The following SYNJ1 variants were observed in gnomAD, a reference collection of about 807,000 sequenced individuals.
SYNJ1 encodes the protein synaptojanin 1, also known as polyphosphatidylinositol phosphatase SYNJ1.
A neutral mutation model predicts 168.2 loss-of-function variants in SYNJ1; 78 were observed. The observed-to-expected ratio is 0.46, with a 90% confidence interval of 0.39 to 0.56. The LOEUF (loss-of-function observed/expected upper bound fraction) is 0.56. SYNJ1 is among the 20% of genes least tolerant of loss of function. The probability of loss-of-function intolerance (pLI) is 0.00; values close to 1 mark genes in which losing one functional copy is unlikely to be tolerated. For missense variants in SYNJ1, 1,303 were observed against 1,597.6 expected (o/e 0.82, Z 3.14); for synonymous variants, 539 against 548.6 (o/e 0.98, Z 0.24).
At chr21:32,645,898 T>A in intron 24 of SYNJ1, 109 bp from the exon 25 acceptor site, 1 of 1,431,560 alleles carries the variant, frequency 7.0e-7, no homozygotes, top group Non-Finnish European at 9.6e-7. Context: ...CACAATGGTG[T>A]AAAGAAAGGG....
chr21:32,664,649 G>A (rs1384836706), intron 18 of SYNJ1, among the ~76,000 whole-genome samples: 2 of 152,074 alleles, frequency 1.3e-5, no homozygotes, highest in Non-Finnish European at 2.9e-5. Flanking sequence ...GCTCACTCGG[G>A]GAGCTCGGTT....
chr21:32,705,955 C>G (rs1382285040), intron 2 of SYNJ1, among the ~76,000 whole-genome samples: 1 of 152,116 alleles, frequency 6.6e-6, no homozygotes, highest in Non-Finnish European at 1.5e-5. Flanking sequence ...CCACTGTACT[C>G]CAGCCTGGCC....
At chr21:32,722,548 C>T (rs1198431078) in intron 2 of SYNJ1, among the ~76,000 whole-genome samples, 2 of 151,986 alleles carry the variant, frequency 1.3e-5, no homozygotes, top group Non-Finnish European at 1.5e-5. Context: ...AGACTCTGCT[C>T]AAAAAACAAC....
intron 6 of SYNJ1, among the ~76,000 whole-genome samples, chr21:32,689,643 T>A (rs1480332418): frequency 6.6e-6 from 1 of 152,252 alleles, no homozygotes; most frequent in Admixed American, 6.5e-5. Flanking sequence ...AAATCAGTCA[T>A]GTAATTGGAC....
chr21:32,636,709 C>T (rs2039581947), intron 31 of SYNJ1, among the ~76,000 whole-genome samples: 1 of 151,824 alleles, frequency 6.6e-6, no homozygotes, highest in Non-Finnish European at 1.5e-5. Context: ...GCCTCCTGGC[C>T]CCCAGCATTG....
chr21:32,695,836 G>T (rs1244798935), intron 4 of SYNJ1, among the ~76,000 whole-genome samples: 20 of 138,272 alleles, frequency 1.4e-4, no homozygotes, highest in African/African-American at 4.7e-4. Context: ...CTAATTTTTT[G>T]TTTTGTTTTG....
At chr21:32,662,347 G>C (rs13340014) in intron 18 of SYNJ1, among the ~76,000 whole-genome samples, 10,018 of 152,230 alleles carry the variant, frequency 0.066, 350 homozygotes, top group African/African-American at 0.085. Context: ...GGTTACTGAG[G>C]TAGGGTAACA....
At chr21:32,680,059 G>A (rs2041562103) in intron 11 of SYNJ1, among the ~76,000 whole-genome samples, 2 of 152,168 alleles carry the variant, frequency 1.3e-5, no homozygotes, top group South Asian at 4.1e-4. Flanking sequence ...AATAGTTTGA[G>A]AATCAGCTTT....
intron 2 of SYNJ1, among the ~76,000 whole-genome samples, chr21:32,704,776 T>C (rs902216924): frequency 1.3e-5 from 2 of 152,130 alleles, no homozygotes; most frequent in African/African-American, 4.8e-5. Context: ...TCAAGGATAA[T>C]GAGAGCCAGG....
chr21:32,666,767 A>G (rs952942036), intron 15 of SYNJ1, among the ~76,000 whole-genome samples, 194 bp from the exon 16 acceptor site: 1 of 152,192 alleles, frequency 6.6e-6, no homozygotes, highest in Non-Finnish European at 1.5e-5. Context: ...AATCTAATCT[A>G]TTACTTCTTT....
intron 6 of SYNJ1, among the ~76,000 whole-genome samples, chr21:32,690,083 C>T (rs905591880): frequency 1.3e-5 from 2 of 152,156 alleles, no homozygotes; most frequent in Admixed American, 6.6e-5. Flanking sequence ...TGAAAAAAAT[C>T]CAGTTTTCAT....
intron 11 of SYNJ1, 88 bp downstream of exon 11, chr21:32,681,408 T>C: frequency 5.0e-6 from 7 of 1,406,608 alleles, no homozygotes; most frequent in Non-Finnish European, 6.7e-6. Flanking sequence ...ATTTAAACCA[T>C]CTATTAACTT....
In SYNJ1 at chr21:32,646,435, T is replaced by G. The variant is rs149817769; in HGVS notation, c.3205A>C (p.Ser1069Arg). 6.2e-7 allele frequency: 1 copy of G among 1,614,052 alleles called. No individual in the cohort carries two copies. Among genetic ancestry groups the G allele is most frequent in the African/African-American group, 1.3e-5 (1 of 74,924 alleles). ...CCAGGAGTTCTTGACGGTGCTCGGC[T>G]TGGTCTGATGGGAAGGGAAGGTACA... ...GPVPSLPIRP[S>R]RAPSRTPGPP... Residue 1069 changes from serine to arginine, a missense_variant, in exon 24 of 33, where the codon AGC becomes CGC. This residue lies in a region of SYNJ1 where 383 missense variants were observed against 388.8 expected (regional missense o/e 0.99). Coordinates refer to ENST00000674351, the MANE Select transcript of SYNJ1 (RefSeq NM_203446.3).
intron 14 of SYNJ1, among the ~76,000 whole-genome samples, chr21:32,672,912 A>G (rs1245441236): frequency 1.3e-5 from 2 of 152,244 alleles, no homozygotes; most frequent in South Asian, 2.1e-4. Flanking sequence ...GTGATCAATT[A>G]TATTTTAATT....
Position 32,673,732 on chromosome 21 carries a change from TA to T in SYNJ1, c.1535-202del, listed in dbSNP as rs931173780. Among the ~76,000 whole-genome samples the T allele has an allele frequency of 3.4e-3, 433 of 128,802 alleles. 1 individual carries two copies. The highest frequency in any genetic ancestry group is 5.4e-3 in the African/African-American group (188 of 34,664). The allele number at this position is 128,802 out of a possible 152,430, so 84.5% of individuals were successfully genotyped here. ...ATGAGGCAATTAACCAACACATCTT[TA>T]AAAAAAAAAAAAAGTCAACATTAAA... On this transcript the variant is annotated intron_variant, in intron 13 of 32. Coordinates refer to ENST00000674351, the MANE Select transcript of SYNJ1 (RefSeq NM_203446.3).
At chr21:32,692,667 C>T (rs1242358845) in intron 6 of SYNJ1, among the ~76,000 whole-genome samples, 1 of 152,170 alleles carries the variant, frequency 6.6e-6, no homozygotes, top group Non-Finnish European at 1.5e-5. Flanking sequence ...AAGGAAGGCA[C>T]AAGGAAGTCC....
chr21:32,657,642 T>C (rs1223361800), intron 19 of SYNJ1, 74 bp downstream of exon 19: 2 of 1,370,490 alleles, frequency 1.5e-6, no homozygotes, highest in South Asian at 1.7e-5. Context: ...TTCTCCTCAT[T>C]TGATATTATG....
chr21:32,689,142 A>G lies in SYNJ1; in HGVS notation c.790-775T>C, dbSNP rs183167214. Among the ~76,000 whole-genome samples, 457 of 152,360 alleles carry G rather than the reference A, an allele frequency of 3.0e-3. 1 individual carries two copies. Among genetic ancestry groups the G allele is most frequent in the African/African-American group, 9.9e-3 (410 of 41,576 alleles). On this transcript the variant is annotated intron_variant, in intron 6 of 32. Transcript: ENST00000674351. ...TAATTGAGAAAGATATAACATGCCA[A>G]GAAGAAATATATAGGTGAGACCAGA...
In SYNJ1 at chr21:32,670,331, C is replaced by G. The variant is rs1421155212; in HGVS notation, c.1768G>C (p.Glu590Gln). ...KPTDIFAIGF[E>Q]EMVELNAGNI... is the part of the protein sequence containing the mutation. Reference sequence around the variant, plus strand: ...CCAGCATTCAATTCTACCATTTCTTCAAAACCAATTGCAAATATATCAGTT... The same window carrying G: ...CCAGCATTCAATTCTACCATTTCTTGAAAACCAATTGCAAATATATCAGTT... The change falls in exon 15 of 33, where the codon GAA becomes CAA. Residue 590 changes from glutamate to glutamine, a missense_variant. Around this residue, in one of 2 missense-constraint regions of SYNJ1, gnomAD observed 920 missense variants for 1,208.8 expected, o/e 0.76. Coordinates refer to ENST00000674351, the MANE Select transcript of SYNJ1 (RefSeq NM_203446.3). 1 of 1,613,624 alleles carries G rather than the reference C, an allele frequency of 6.2e-7. No individual in the cohort carries two copies. Among genetic ancestry groups the G allele is most frequent in the East Asian group, 2.2e-5 (1 of 44,824 alleles).
Sources: allele counts gnomAD v4.1 joint callset (sites outside exome capture counted in the v4.1 genomes callset), GRCh38; gene constraint gnomAD v4.1.1; regional missense constraint gnomAD v4.1.1; transcripts MANE v1.5; gene names NCBI Gene and HGNC (gene_info 2026-07-23, HGNC 2026-07-21).